Variants in TENM3 observed in about 807,000 individuals in gnomAD.
TENM3 encodes the protein teneurin transmembrane protein 3.
In TENM3, 63 loss-of-function variants were observed where a neutral mutation model predicts 255.1. The observed-to-expected ratio is 0.25, with a 90% CI of 0.20 to 0.30. The LOEUF is 0.30. Among genes scored for constraint, TENM3 ranks in the 10% least tolerant of loss-of-function variants. TENM3 has a pLI of 1.00. For synonymous variants in TENM3, 1,306 were observed against 1,322.3 expected (o/e 0.99, Z 0.27); for missense variants, 2,929 against 3,461.1 (o/e 0.85, Z 3.86).
At chr4:182,678,990 T>C (rs1324579475) in intron 7 of TENM3, among the ~76,000 whole-genome samples, 1 of 152,046 alleles carries the variant, frequency 6.6e-6, no homozygotes, top group Admixed American at 6.6e-5. Flanking sequence ...ATGTTCTCAC[T>C]CATAAGTGGG....
chr4:181,550,884 C>A, the TENM3 span, among the ~76,000 whole-genome samples: 60 of 152,296 alleles, frequency 3.9e-4, no homozygotes, highest in African/African-American at 1.3e-3. Flanking sequence ...TGCTCTCCTG[C>A]AAACTACCCA....
At chr4:182,101,375 G>A in the TENM3 span, among the ~76,000 whole-genome samples, 5 of 151,740 alleles carry the variant, frequency 3.3e-5, no homozygotes, top group African/African-American at 9.7e-5. Context: ...AGGGAAGGAA[G>A]GAAGGAATCT....
At chr4:182,707,847 CTGTAGA>C (rs1758400331) in intron 12 of TENM3, 1 of 152,114 alleles carries the variant, frequency 6.6e-6, no homozygotes, top group Non-Finnish European at 1.5e-5. Context: ...TTAGAGTAAT[CTGTAGA>C]TCTGCCTTGT....
the TENM3 span, among the ~76,000 whole-genome samples, chr4:181,679,206 G>A: frequency 6.6e-6 from 1 of 152,064 alleles, no homozygotes; most frequent in African/African-American, 2.4e-5. Context: ...AACCAATCCA[G>A]CCATTCTGTA....
chr4:181,499,852 C>T, the TENM3 span, among the ~76,000 whole-genome samples: 555 of 152,262 alleles, frequency 3.6e-3, 5 homozygotes, highest in African/African-American at 0.013. Flanking sequence ...ACTTTTCAGA[C>T]GGGGAAATCT....
chr4:181,923,753 G>A, the TENM3 span, among the ~76,000 whole-genome samples: 2 of 152,098 alleles, frequency 1.3e-5, no homozygotes, highest in Non-Finnish European at 2.9e-5. Flanking sequence ...CATTTGAAGA[G>A]CAATACAGCG....
chr4:181,455,886 C>T, the TENM3 span, among the ~76,000 whole-genome samples: 1 of 151,836 alleles, frequency 6.6e-6, no homozygotes, highest in African/African-American at 2.4e-5. Flanking sequence ...TAGAAATCAG[C>T]TATATTAATA....
chr4:182,106,968 G>A, the TENM3 span, among the ~76,000 whole-genome samples: 1 of 152,100 alleles, frequency 6.6e-6, no homozygotes, highest in Non-Finnish European at 1.5e-5. Context: ...GGATTAAGCT[G>A]AGAGTTGTCC....
chr4:181,927,764 T>A, the TENM3 span, among the ~76,000 whole-genome samples: 1 of 152,134 alleles, frequency 6.6e-6, no homozygotes, highest in Non-Finnish European at 1.5e-5. Flanking sequence ...AGACACCTCA[T>A]ACAGGAGAGC....
chr4:181,969,624 G>A, the TENM3 span, among the ~76,000 whole-genome samples: 1 of 152,156 alleles, frequency 6.6e-6, no homozygotes, highest in Non-Finnish European at 1.5e-5. Context: ...ATGAGTTCAG[G>A]ATACCTAAAT....
the TENM3 span, among the ~76,000 whole-genome samples, chr4:181,479,717 TGAACTG>T: frequency 6.6e-6 from 1 of 152,180 alleles, no homozygotes; most frequent in South Asian, 2.1e-4. Context: ...AAACATCTTT[TGAACTG>T]TTCTCCATGT....
chr4:182,758,206 G>A (rs962376093), intron 22 of TENM3, among the ~76,000 whole-genome samples: 26 of 152,202 alleles, frequency 1.7e-4, no homozygotes, highest in East Asian at 7.7e-4. Context: ...CAGAATCATC[G>A]TGTCAGAATG....
the TENM3 span, among the ~76,000 whole-genome samples, chr4:181,521,860 G>C: frequency 6.6e-6 from 1 of 151,998 alleles, no homozygotes; most frequent in African/African-American, 2.4e-5. Context: ...ACTTTGGAAG[G>C]CCAAGACGGG....
the TENM3 span, among the ~76,000 whole-genome samples, chr4:181,513,298 G>A: frequency 1.3e-5 from 2 of 151,946 alleles, no homozygotes; most frequent in Admixed American, 6.6e-5. Flanking sequence ...CACATGCAAG[G>A]GAAATGCAAG....
chr4:182,253,334 G>A (rs1758158233), intron 1 of TENM3, among the ~76,000 whole-genome samples: 1 of 152,174 alleles, frequency 6.6e-6, no homozygotes, highest in African/African-American at 2.4e-5. Context: ...TTATCCGGGT[G>A]TAGTGGCACG....
At chr4:182,274,397 G>A (rs941636932) in intron 1 of TENM3, among the ~76,000 whole-genome samples, 3 of 152,208 alleles carry the variant, frequency 2.0e-5, no homozygotes, top group Non-Finnish European at 4.4e-5. Flanking sequence ...CTTCCACTGA[G>A]CCCTAAGGAG....
intron 3 of TENM3, among the ~76,000 whole-genome samples, chr4:182,533,909 CA>C (rs367957020): frequency 0.016 from 2,296 of 143,162 alleles, 65 homozygotes; most frequent in African/African-American, 0.054. Flanking sequence ...ACTCCATCTC[CA>C]AAAAAAAAAG....
chr4:181,605,673 T>C, the TENM3 span, among the ~76,000 whole-genome samples: 7 of 152,182 alleles, frequency 4.6e-5, no homozygotes, highest in Admixed American at 2.6e-4. Flanking sequence ...TCAACTCATA[T>C]TCTTAAGCAT....
At chr4:181,537,090 G>A in the TENM3 span, among the ~76,000 whole-genome samples, 1 of 151,932 alleles carries the variant, frequency 6.6e-6, no homozygotes, top group South Asian at 2.1e-4. Context: ...TCCTAAGTGA[G>A]TTCAAAGTAC....
Sources: allele counts gnomAD v4.1 joint callset (sites outside exome capture counted in the v4.1 genomes callset), GRCh38; gene constraint gnomAD v4.1.1; transcripts MANE v1.5; gene names NCBI Gene and HGNC (gene_info 2026-07-23, HGNC 2026-07-21).